IL18R1: variants seen among roughly 807,000 people sequenced by gnomAD.
IL18R1 encodes interleukin-18 receptor 1.
IL18R1 carries 40 observed loss-of-function variants against 48.5 expected under a neutral mutation model. The observed-to-expected ratio is 0.82, with a 90% confidence interval of 0.64 to 1.07. The LOEUF is 1.07. Among genes scored for constraint, IL18R1 ranks in the 50% least tolerant of loss-of-function variants. The probability of loss-of-function intolerance (pLI) is 0.00; values close to 1 mark genes in which losing one functional copy is unlikely to be tolerated. For missense variants in IL18R1, 596 were observed against 633.7 expected, an observed-to-expected ratio of 0.94 and a Z score of 0.64; for synonymous variants, 232 against 225.9, an observed-to-expected ratio of 1.03 and a Z score of -0.24.
intron 2 of IL18R1, among the ~76,000 whole-genome samples, chr2:102,363,702 C>T (rs1204727921): frequency 6.6e-6 from 1 of 152,168 alleles, no homozygotes; most frequent in Non-Finnish European, 1.5e-5. Flanking sequence ...TGCCAAGCTC[C>T]CAGCTGCCTG....
chr2:102,372,453 T>C (rs1292308134), intron 4 of IL18R1, among the ~76,000 whole-genome samples: 4 of 152,254 alleles, frequency 2.6e-5, no homozygotes, highest in Non-Finnish European at 4.4e-5. Context: ...CTGTCACATG[T>C]ACTTAACATG....
chr2:102,374,743 A>C (rs1679474801), intron 4 of IL18R1, among the ~76,000 whole-genome samples: 1 of 151,432 alleles, frequency 6.6e-6, no homozygotes, highest in Non-Finnish European at 1.5e-5. Context: ...GGGCCACTGC[A>C]CTCCAGCCTA....
At position 102,386,086 on chromosome 2, in the gene IL18R1, ATGTACT is replaced by A. The variant is rs563867119; in HGVS notation, c.810-772_810-767del. Among the ~76,000 whole-genome samples, 28 of 152,282 alleles carry A rather than the reference ATGTACT, an allele frequency of 1.8e-4. No homozygotes were observed. In the South Asian group the frequency reaches 2.1e-3, roughly 11 times the overall value. ...CTTAGGAAAAGAATTACATTCCAAA[ATGTACT>A]TGAGGCAGTTGGAGGCTACAGTGGG... On this transcript the variant is annotated intron_variant, in intron 7 of 10. Coordinates refer to ENST00000233957, the MANE Select transcript of IL18R1 (RefSeq NM_003855.5).
In IL18R1 at chr2:102,398,286, A is replaced by G. The variant is rs1680922579; in HGVS notation, c.*1400A>G. ...AGCCTTCTTGATGATCTCAAAAATAATAGCTATTCAAGAAAATCACCAAGT... is the reference window on the plus strand; with the variant it reads ...AGCCTTCTTGATGATCTCAAAAATAGTAGCTATTCAAGAAAATCACCAAGT... On this transcript the variant is annotated 3_prime_UTR_variant, in exon 11 of 11. Transcript: ENST00000233957. 6.6e-6 allele frequency: 1 copy of G among 152,388 alleles called. No homozygotes were observed. The highest frequency in any genetic ancestry group is 6.5e-5 in the Admixed American group (1 of 15,286). 9.4% of individuals were successfully genotyped at this position (152,388 alleles called of 1,614,324 possible). A position where few individuals can be genotyped will look rare whatever the true frequency, so the allele number is the denominator to read the frequency against.
At chr2:102,394,446 A>G in intron 9 of IL18R1, 23 bp from the exon 10 acceptor site, 1 of 1,569,548 alleles carries the variant, frequency 6.4e-7, no homozygotes, top group Non-Finnish European at 8.7e-7. Context: ...ACATGAATTA[A>G]AAGAGCCAAT....
chr2:102,383,526 C>T (rs1210909247), intron 6 of IL18R1, among the ~76,000 whole-genome samples: 1 of 152,190 alleles, frequency 6.6e-6, no homozygotes, highest in African/African-American at 2.4e-5. Flanking sequence ...TATGAAATAT[C>T]TCTCTTTATC....
intron 6 of IL18R1, among the ~76,000 whole-genome samples, chr2:102,384,278 C>A (rs1166943818): frequency 1.3e-5 from 2 of 152,190 alleles, no homozygotes; most frequent in African/African-American, 4.8e-5. Flanking sequence ...ATCATACAGC[C>A]TTTACATCCT....
At chr2:102,361,168 C>T (rs1678551382) in intron 1 of IL18R1, among the ~76,000 whole-genome samples, 1 of 151,986 alleles carries the variant, frequency 6.6e-6, no homozygotes, top group Non-Finnish European at 1.5e-5. Flanking sequence ...ATCAGAGTGA[C>T]ATAAAGGAAA....
Position 102,394,636 on chromosome 2 carries a change from G to A in IL18R1, c.1270+9G>A, listed in dbSNP as rs757517067. 1.1e-5 allele frequency: 18 copies of A among 1,580,990 alleles called. No individual in the cohort carries two copies. In the South Asian group the frequency reaches 2.1e-4, roughly 18 times the overall value. The stretch of plus-strand genomic sequence containing the variant: ...TGTAGTGCCTGGAGGAGGTAAGAGG[G>A]AATGCCAGATAGAAAAATATTCAAG... On this transcript the variant is annotated intron_variant, in intron 10 of 10. Coordinates refer to ENST00000233957, the MANE Select transcript of IL18R1 (RefSeq NM_003855.5).
intron 5 of IL18R1, among the ~76,000 whole-genome samples, chr2:102,380,278 T>C (rs1679842053): frequency 6.6e-6 from 1 of 152,176 alleles, no homozygotes; most frequent in South Asian, 2.1e-4. Flanking sequence ...TCCAATGATA[T>C]AATTTGAGTG....
intron 2 of IL18R1, among the ~76,000 whole-genome samples, chr2:102,363,787 C>G (rs763134547): frequency 6.6e-6 from 1 of 152,190 alleles, no homozygotes; most frequent in Non-Finnish European, 1.5e-5. Context: ...ATTCACTGAA[C>G]CTAGTTGAGT....
At chr2:102,394,099 T>A (rs1680693355) in intron 9 of IL18R1, among the ~76,000 whole-genome samples, 1 of 152,146 alleles carries the variant, frequency 6.6e-6, no homozygotes, top group African/African-American at 2.4e-5. Flanking sequence ...GAAATTGTGA[T>A]GGTGGTAGAA....
At chr2:102,358,834 G>A (rs1678407362) in intron 1 of IL18R1, among the ~76,000 whole-genome samples, 1 of 152,192 alleles carries the variant, frequency 6.6e-6, no homozygotes, top group Non-Finnish European at 1.5e-5. Flanking sequence ...TTGTGCAGAT[G>A]TGCCAATGGA....
chr2:102,375,575 C>T (rs1679527347), intron 4 of IL18R1, among the ~76,000 whole-genome samples: 1 of 152,180 alleles, frequency 6.6e-6, no homozygotes, highest in South Asian at 2.1e-4. Context: ...AGTGTTCTCT[C>T]TCTCTCTCTG....
In IL18R1 at chr2:102,396,918, C is replaced by T. The variant is rs775399254; in HGVS notation, c.*32C>T. 3 of 1,357,204 alleles carry T rather than the reference C, an allele frequency of 2.2e-6. No individual in the cohort carries two copies. The highest frequency in any genetic ancestry group is 3.1e-6 in the Non-Finnish European group (3 of 981,768). The allele number at this position is 1,357,204 out of a possible 1,614,324, so 84.1% of individuals were successfully genotyped here. ...GAAACAGTGAACGCCAAAAAGAACT[C>T]AAGATATTCTGGGGACTGAGCATAT... On this transcript the variant is annotated 3_prime_UTR_variant, in exon 11 of 11. Coordinates refer to ENST00000233957, the MANE Select transcript of IL18R1 (RefSeq NM_003855.5).
intron 5 of IL18R1, among the ~76,000 whole-genome samples, chr2:102,376,896 T>C (rs1386730997): frequency 1.3e-5 from 2 of 152,218 alleles, no homozygotes; most frequent in Non-Finnish European, 2.9e-5. Flanking sequence ...ATTGTTGAAG[T>C]CTTTTTTTTC....
At chr2:102,385,635 C>G (rs902896538) in intron 7 of IL18R1, among the ~76,000 whole-genome samples, 1 of 152,210 alleles carries the variant, frequency 6.6e-6, no homozygotes, top group African/African-American at 2.4e-5. Flanking sequence ...GCTTTTTACA[C>G]ATTTTTTGGT....
chr2:102,384,539 T>C (rs1254012418), intron 6 of IL18R1, among the ~76,000 whole-genome samples: 1 of 152,224 alleles, frequency 6.6e-6, no homozygotes, highest in Non-Finnish European at 1.5e-5. Flanking sequence ...AATTTAATTT[T>C]TTTGTGATTT....
In IL18R1 at chr2:102,356,644, A is replaced by C. The variant is rs550194577; in HGVS notation, c.-29+244A>C. ...GTGAGAACGACTGAAATAAATGATAACAATAGTTGTCATTTTTTAAGTGCT... is the reference window on the plus strand; with the variant it reads ...GTGAGAACGACTGAAATAAATGATACCAATAGTTGTCATTTTTTAAGTGCT... On this transcript the variant is annotated intron_variant, in intron 1 of 10. Coordinates refer to ENST00000233957, the MANE Select transcript of IL18R1 (RefSeq NM_003855.5). Among the ~76,000 whole-genome samples the C allele has an allele frequency of 2.0e-5, 3 of 152,316 alleles. No homozygotes were observed. The East Asian group carries it at 5.8e-4, about 29-fold the overall frequency.
Sources: allele counts gnomAD v4.1 joint callset (sites outside exome capture counted in the v4.1 genomes callset), GRCh38; gene constraint gnomAD v4.1.1; transcripts MANE v1.5; gene names NCBI Gene and HGNC (gene_info 2026-07-23, HGNC 2026-07-21).